Variants in ABCB8 observed in about 807,000 individuals in gnomAD.
ABCB8 encodes the protein ATP binding cassette subfamily B member 8.
Under a neutral mutation model 73.0 loss-of-function variants are expected in ABCB8, and 52 were observed. The ratio of observed to expected loss-of-function variants is 0.71; its 90% CI spans 0.57 to 0.90. ABCB8 has a LOEUF of 0.90. ABCB8 is among the 40% of genes least tolerant of loss of function. ABCB8 has a pLI of 0.00. For synonymous variants in ABCB8, 428 were observed against 423.5 expected, an observed-to-expected ratio of 1.01 and a Z score of -0.13; for missense variants, 909 against 974.6, an observed-to-expected ratio of 0.93 and a Z score of 0.90.
intron 10 of ABCB8, 89 bp from the exon 11 acceptor site, chr7:151,040,409 A>G (rs887972843): frequency 1.9e-6 from 3 of 1,575,040 alleles, no homozygotes. Flanking sequence ...AGCTGGGGAG[A>G]CCCCAGCCCA....
At position 151,035,968 on chromosome 7, in the gene ABCB8, G is replaced by C. The variant is rs1482391561; in HGVS notation, c.1013+1G>C. The C allele has an allele frequency of 1.2e-6, 2 of 1,613,834 alleles. No individual in the cohort carries two copies. The highest frequency in any genetic ancestry group is 3.3e-5 in the Admixed American group (2 of 60,036). On this transcript the variant is annotated splice_donor_variant, in intron 7 of 15. Transcript: ENST00000358849. LOFTEE classifies it high-confidence loss of function. The stretch of plus-strand genomic sequence containing the variant: ...TCGCCATGGAGCAACGGGAAGAGGA[G>C]TGAGTCCTGGGAGGGCGGAGCACAA...
At chr7:151,041,589 C>T (rs534693226) in intron 13 of ABCB8, among the ~76,000 whole-genome samples, 2 of 152,340 alleles carry the variant, frequency 1.3e-5, no homozygotes, top group South Asian at 2.1e-4. Flanking sequence ...GGTGGCACTG[C>T]CCAGCGAGGG....
rs890513358 is a variant in ABCB8 at position 151,047,731 on chromosome 7, C to T, written c.*2382C>T. The T allele has an allele frequency of 6.6e-6, 1 of 152,260 alleles. No individual in the cohort carries two copies. Among genetic ancestry groups the T allele is most frequent in the South Asian group, 2.1e-4 (1 of 4,830 alleles). 9.4% of individuals were successfully genotyped at this position (152,260 alleles called of 1,614,324 possible). A position where few individuals can be genotyped will look rare whatever the true frequency, so the allele number is the denominator to read the frequency against. The stretch of plus-strand genomic sequence containing the variant: ...TTGTAATGGAAAGACTGGACACCCC[C>T]AGTGCCCATCAGTGGGGGAGTCATT... On this transcript the variant is annotated 3_prime_UTR_variant, in exon 16 of 16. Coordinates refer to ENST00000358849, the MANE Select transcript of ABCB8 (RefSeq NM_007188.5).
chr7:151,037,093 G>C (rs2117221579), intron 9 of ABCB8: 1 of 699,212 alleles, frequency 1.4e-6, no homozygotes, highest in Non-Finnish European at 2.6e-6. Flanking sequence ...CCATGACATG[G>C]GAATCCCCAT....
chr7:151,030,857 T>C (rs537039706), intron 1 of ABCB8, among the ~76,000 whole-genome samples: 1 of 152,222 alleles, frequency 6.6e-6, no homozygotes, highest in South Asian at 2.1e-4. Flanking sequence ...GGAGAATCGC[T>C]TGAACCTGGG....
chr7:151,044,138 A>G lies in ABCB8; in HGVS notation c.1933A>G (p.Thr645Ala), dbSNP rs1796550846. ...EALDRASAGR[T>A]VLVIAHRLST... The stretch of plus-strand genomic sequence containing the variant: ...CCTGGACCGGGCCAGTGCAGGCCGC[A>G]CGGTGCTGGTAATTGCCCACCGGCT... Residue 645 changes from threonine to alanine, a missense_variant, in exon 15 of 16, where the codon ACG (threonine) becomes GCG (alanine). Transcript: ENST00000358849. 6.2e-7 allele frequency: 1 copy of G among 1,613,994 alleles called. No homozygotes were observed. The highest frequency in any genetic ancestry group is 1.3e-5 in the African/African-American group (1 of 75,066).
Position 151,033,730 on chromosome 7 carries a change from T to C in ABCB8, c.221T>C (p.Val74Ala). The C allele has an allele frequency of 6.2e-7, 1 of 1,613,850 alleles. No individual in the cohort carries two copies. Among genetic ancestry groups the C allele is most frequent in the Non-Finnish European group, 8.5e-7 (1 of 1,179,914 alleles). The change falls in exon 2 of 16, where the codon GTT becomes GCT. Residue 74 changes from valine (V) to alanine (A), a missense_variant. Coordinates refer to ENST00000358849, the MANE Select transcript of ABCB8 (RefSeq NM_007188.5). ...TGGAGCCCCTCTGCCTGGTGCTGGG[T>C]TGGGGGAGCCCTGCTAGGCCCCATG... Reference protein sequence around the residue: ...PRWSPSAWCWVGGALLGPMVL... With the variant: ...PRWSPSAWCWAGGALLGPMVL...
intron 13 of ABCB8, among the ~76,000 whole-genome samples, 159 bp from the exon 14 acceptor site, chr7:151,041,802 G>GC (rs1796473357): frequency 6.6e-6 from 1 of 152,210 alleles, no homozygotes; most frequent in Non-Finnish European, 1.5e-5. Context: ...GGGCCACTCT[G>GC]CATCCTCACT....
intron 9 of ABCB8, chr7:151,037,496 C>A (rs186586807): frequency 1.7e-6 from 1 of 605,524 alleles, no homozygotes; most frequent in Non-Finnish European, 3.0e-6. Context: ...GGCGGGCCTC[C>A]CCCCTCCTAT....
intron 9 of ABCB8, chr7:151,037,653 C>T (rs1010866098): frequency 3.1e-5 from 11 of 352,858 alleles, no homozygotes; most frequent in Admixed American, 1.3e-4. Context: ...CCTCCCCCCA[C>T]GACCCCCCTG....
Position 151,033,746 on chromosome 7 carries a change from A to G in ABCB8, c.237A>G (p.Leu79=), listed in dbSNP as rs1468159460. 1.2e-6 allele frequency: 2 copies of G among 1,613,910 alleles called. No homozygotes were observed. The highest frequency in any genetic ancestry group is 3.3e-5 in the Admixed American group (2 of 60,002). The change falls in exon 2 of 16, where the codon CTA becomes CTG. Residue 79 remains leucine, a synonymous_variant. Transcript: ENST00000358849. ...SAWCWVGGAL[L]GPMVLSKHPH... is the part of the protein sequence containing the mutation. ...GGTGCTGGGTTGGGGGAGCCCTGCTAGGCCCCATGGTACTGAGTAAGCATC... is the reference window on the plus strand; with the variant it reads ...GGTGCTGGGTTGGGGGAGCCCTGCTGGGCCCCATGGTACTGAGTAAGCATC...
chr7:151,045,585 G>A lies in ABCB8; in HGVS notation c.*236G>A. 6.6e-6 allele frequency: 3 copies of A among 455,436 alleles called. No individual in the cohort carries two copies. Among genetic ancestry groups the A allele is most frequent in the Non-Finnish European group, 1.1e-5 (3 of 265,568 alleles). 28.2% of individuals were successfully genotyped at this position (455,436 alleles called of 1,614,324 possible). On this transcript the variant is annotated 3_prime_UTR_variant, in exon 16 of 16. Coordinates refer to ENST00000358849, the MANE Select transcript of ABCB8 (RefSeq NM_007188.5). Reference sequence around the variant, plus strand: ...CCCACCAGAGTCTGCCAGAGTCATTGGGCTGCAATGGGCAGAGACAGAGTT... The same window carrying A: ...CCCACCAGAGTCTGCCAGAGTCATTAGGCTGCAATGGGCAGAGACAGAGTT...
chr7:151,039,861 G>A (rs779677054), intron 9 of ABCB8: 33 of 185,080 alleles, frequency 1.8e-4, no homozygotes, highest in Non-Finnish European at 2.8e-4. Context: ...GCATCCTCAG[G>A]GCCGAGCAGG....
At chr7:151,031,794 C>G (rs1291827996) in intron 1 of ABCB8, among the ~76,000 whole-genome samples, 2 of 152,280 alleles carry the variant, frequency 1.3e-5, no homozygotes, top group East Asian at 3.9e-4. Flanking sequence ...CCACATCCAG[C>G]TAATTTTTAG....
chr7:151,035,530 C>T, intron 5 of ABCB8, 51 bp from the exon 6 acceptor site: 1 of 1,532,532 alleles, frequency 6.5e-7, no homozygotes, highest in Non-Finnish European at 8.8e-7. Context: ...AAAAGTCCTT[C>T]CTGTCATGGT....
rs1346841222 is a variant in ABCB8 at position 151,043,994 on chromosome 7, G to C, written c.1789G>C (p.Gly597Arg). 6.2e-7 allele frequency: 1 copy of C among 1,612,466 alleles called. No homozygotes were observed. Among genetic ancestry groups the C allele is most frequent in the African/African-American group, 1.3e-5 (1 of 74,894 alleles). ...VVGERGTTLS[G>R]GQKQRLAIAR... Reference sequence around the variant, plus strand: ...AGGTGAACGGGGCACTACCCTGTCTGGGGGCCAGAAGCAGCGCCTGGCCAT... The same window carrying C: ...AGGTGAACGGGGCACTACCCTGTCTCGGGGCCAGAAGCAGCGCCTGGCCAT... The change falls in exon 15 of 16, where the codon GGG (glycine) becomes CGG (arginine). Residue 597 changes from glycine to arginine, a missense_variant. Physicochemically the swap from Gly to Arg is moderately radical, Grantham distance 125. Coordinates refer to ENST00000358849, the MANE Select transcript of ABCB8 (RefSeq NM_007188.5).
At chr7:151,038,374 A>T (rs1036505018) in intron 9 of ABCB8, 1 of 152,132 alleles carries the variant, frequency 6.6e-6, no homozygotes, top group African/African-American at 2.4e-5. Flanking sequence ...TACAAAAATT[A>T]GCTGGGCATG....
chr7:151,034,745 C>T lies in ABCB8; in HGVS notation c.681C>T (p.Asp227=), dbSNP rs202068976. The change falls in exon 5 of 16, where the codon GAC becomes GAT. Residue 227 remains aspartate, a synonymous_variant. Transcript: ENST00000358849. ...SLLRQDITFF[D]ANKTGQLVSR... ...CCAGACAAGACATCACCTTCTTTGA[C>T]GCCAATAAGACAGGGCAGCTGGTGA... 1.7e-5 allele frequency: 28 copies of T among 1,613,918 alleles called. No individual in the cohort carries two copies. Among genetic ancestry groups the T allele is most frequent in the African/African-American group, 2.7e-5 (2 of 74,912 alleles).
At position 151,040,507 on chromosome 7, in the gene ABCB8, G is replaced by C. The variant is rs746035718; in HGVS notation, c.1261G>C (p.Gly421Arg). 1 of 1,611,508 alleles carries C rather than the reference G, an allele frequency of 6.2e-7. No homozygotes were observed. Residue 421 changes from glycine to arginine, a missense_variant, in exon 11 of 16, where the codon GGG becomes CGG. Physicochemically the swap from Gly to Arg is moderately radical, Grantham distance 125. Transcript: ENST00000358849. The part of the protein sequence containing the change: ...LSVLFGQVVR[G>R]LSAGARVFEY... Reference sequence around the variant, plus strand: ...GGATCCCCTCCCACAGGTGGTCCGGGGGCTGAGTGCAGGTGCCCGGGTCTT... The same window carrying C: ...GGATCCCCTCCCACAGGTGGTCCGGCGGCTGAGTGCAGGTGCCCGGGTCTT...
Sources: allele counts gnomAD v4.1 joint callset (sites outside exome capture counted in the v4.1 genomes callset), GRCh38; gene constraint gnomAD v4.1.1; transcripts MANE v1.5; gene names NCBI Gene and HGNC (gene_info 2026-07-23, HGNC 2026-07-21).